ANTXR1: variants seen among roughly 807,000 people sequenced by gnomAD.
The protein encoded by ANTXR1 is ANTXR cell adhesion molecule 1.
ANTXR1 carries 19 observed loss-of-function variants against 78.1 expected under a neutral mutation model. The ratio of observed to expected loss-of-function variants is 0.24; its 90% CI spans 0.17 to 0.36. The LOEUF is 0.36. Ranked by LOEUF, ANTXR1 falls within the 10% of genes least tolerant of loss-of-function variation. The probability of loss-of-function intolerance (pLI) is 1.00; values close to 1 mark genes in which losing one functional copy is unlikely to be tolerated. For missense variants in ANTXR1, 518 were observed against 718.6 expected, an observed-to-expected ratio of 0.72 and a Z score of 3.19; for synonymous variants, 273 against 260.5, an observed-to-expected ratio of 1.05 and a Z score of -0.46.
At chr2:69,095,023 A>G (rs1414533773) in intron 9 of ANTXR1, among the ~76,000 whole-genome samples, 1 of 152,216 alleles carries the variant, frequency 6.6e-6, no homozygotes, top group Non-Finnish European at 1.5e-5. Context: ...TCCAGTGTCC[A>G]GGTCAGGAGA....
chr2:69,106,921 G>T (rs941034934), intron 10 of ANTXR1, among the ~76,000 whole-genome samples: 2 of 152,190 alleles, frequency 1.3e-5, no homozygotes, highest in Non-Finnish European at 2.9e-5. Context: ...TGTTTAAAAT[G>T]TGTGAAGACA....
chr2:69,240,182 C>T (rs2104531085), intron 17 of ANTXR1, among the ~76,000 whole-genome samples: 1 of 152,328 alleles, frequency 6.6e-6, no homozygotes, highest in South Asian at 2.1e-4. Flanking sequence ...CATCTTGCTG[C>T]ACCTCGGAGC....
chr2:69,106,029 G>A (rs1479674559), intron 10 of ANTXR1, among the ~76,000 whole-genome samples: 7 of 152,226 alleles, frequency 4.6e-5, no homozygotes, highest in Admixed American at 3.9e-4. Flanking sequence ...TTAAAAGTTA[G>A]AGATATAGAG....
chr2:69,088,890 A>T (rs1266963769), intron 8 of ANTXR1, among the ~76,000 whole-genome samples: 1 of 152,138 alleles, frequency 6.6e-6, no homozygotes, highest in African/African-American at 2.4e-5. Context: ...AGGTGCCCAG[A>T]GCAGGTGTGT....
intron 12 of ANTXR1, among the ~76,000 whole-genome samples, chr2:69,147,109 C>T (rs908657402): frequency 1.3e-5 from 2 of 152,200 alleles, no homozygotes; most frequent in Non-Finnish European, 2.9e-5. Flanking sequence ...CAGTGCAGAG[C>T]GGAGCCAGGC....
Position 69,122,699 on chromosome 2 carries a change from C to T in ANTXR1, c.803-318C>T, listed in dbSNP as rs529746188. ...CATATTGGTGTGCTGCACCCATTAACTCGTCATTTACATTAGGTATATCTC... is the reference window on the plus strand; with the variant it reads ...CATATTGGTGTGCTGCACCCATTAATTCGTCATTTACATTAGGTATATCTC... On this transcript the variant is annotated intron_variant, in intron 10 of 17. Coordinates refer to ENST00000303714, the MANE Select transcript of ANTXR1 (RefSeq NM_032208.3). Among the ~76,000 whole-genome samples, 40 of 152,192 alleles carry T rather than the reference C, an allele frequency of 2.6e-4. No homozygotes were observed. In the South Asian group the frequency reaches 7.3e-3, roughly 28 times the overall value.
intron 12 of ANTXR1, among the ~76,000 whole-genome samples, chr2:69,135,991 A>G (rs1292303440): frequency 6.6e-6 from 1 of 152,324 alleles, no homozygotes; most frequent in East Asian, 1.9e-4. Context: ...ATCATACTTC[A>G]TCAAATCTAA....
chr2:69,191,300 T>C (rs1192086359), intron 16 of ANTXR1, among the ~76,000 whole-genome samples: 1 of 152,216 alleles, frequency 6.6e-6, no homozygotes, highest in Non-Finnish European at 1.5e-5. Flanking sequence ...CAACAGTTTA[T>C]AAAGATTAAA....
At position 69,101,061 on chromosome 2, in the gene ANTXR1, C is replaced by T. The variant is rs559763005; in HGVS notation, c.704-1781C>T. Among the ~76,000 whole-genome samples the T allele has an allele frequency of 1.1e-4, 16 of 152,296 alleles. No individual in the cohort carries two copies. In the East Asian group the frequency reaches 3.1e-3, roughly 29 times the overall value. On this transcript the variant is annotated intron_variant, in intron 9 of 17. Transcript: ENST00000303714. ...TCTGAGCAAGTCATTCAAAATGTCA[C>T]AGTCTCCATTTCCTTATTGTGAAGG...
At chr2:69,155,664 G>A (rs1384266839) in intron 13 of ANTXR1, among the ~76,000 whole-genome samples, 4 of 152,176 alleles carry the variant, frequency 2.6e-5, no homozygotes, top group Admixed American at 6.5e-5. Context: ...ATGTGTAGGG[G>A]GGAAAGTCAT....
At chr2:69,237,893 A>G (rs538225416) in intron 17 of ANTXR1, among the ~76,000 whole-genome samples, 2 of 152,320 alleles carry the variant, frequency 1.3e-5, no homozygotes, top group African/African-American at 4.8e-5. Context: ...TGAATTTTAC[A>G]TGGAAAGCCA....
chr2:69,130,293 A>G (rs763467069), intron 12 of ANTXR1, among the ~76,000 whole-genome samples: 1 of 144,352 alleles, frequency 6.9e-6, no homozygotes, highest in Non-Finnish European at 1.5e-5. Context: ...TCAACATTAA[A>G]TAAATGAAGA....
intron 9 of ANTXR1, among the ~76,000 whole-genome samples, chr2:69,091,302 G>T (rs1460297504): frequency 6.6e-6 from 1 of 151,750 alleles, no homozygotes; most frequent in Non-Finnish European, 1.5e-5. Flanking sequence ...TTAGCCAGGT[G>T]TGATGGCGCT....
intron 3 of ANTXR1, among the ~76,000 whole-genome samples, chr2:69,063,407 T>C (rs575642250): frequency 6.6e-6 from 1 of 152,052 alleles, no homozygotes; most frequent in East Asian, 1.9e-4. Context: ...AAAAATCAAC[T>C]TAAAATTCTA....
chr2:69,171,033 A>C (rs1241455166), intron 14 of ANTXR1, among the ~76,000 whole-genome samples: 1 of 152,218 alleles, frequency 6.6e-6, no homozygotes, highest in Non-Finnish European at 1.5e-5. Flanking sequence ...ACATCCACCC[A>C]TTCAGAAGCC....
At chr2:69,156,620 A>G (rs1673532040) in intron 13 of ANTXR1, among the ~76,000 whole-genome samples, 1 of 152,212 alleles carries the variant, frequency 6.6e-6, no homozygotes, top group South Asian at 2.1e-4. Flanking sequence ...GGTTCCAGTC[A>G]TGGCTGATGG....
intron 14 of ANTXR1, among the ~76,000 whole-genome samples, chr2:69,178,431 C>T (rs1573957570): frequency 6.6e-6 from 1 of 152,184 alleles, no homozygotes; most frequent in South Asian, 2.1e-4. Flanking sequence ...TGGAGATTGC[C>T]CAAGCCCTAG....
intron 13 of ANTXR1, among the ~76,000 whole-genome samples, chr2:69,157,003 C>T (rs1002333784): frequency 2.6e-5 from 4 of 152,182 alleles, no homozygotes; most frequent in Non-Finnish European, 2.9e-5. Flanking sequence ...CACTCCTTTG[C>T]GGAGCATCCA....
intron 17 of ANTXR1, among the ~76,000 whole-genome samples, chr2:69,208,097 A>C (rs184437185): frequency 9.7e-4 from 147 of 152,314 alleles, no homozygotes; most frequent in African/African-American, 3.2e-3. Context: ...AAAAAGGAAG[A>C]GGGGTTCTCA....
Sources: gnomAD v4.1 joint callset for allele counts (sites outside exome capture counted in the v4.1 genomes callset) on GRCh38, gnomAD v4.1.1 for gene constraint, MANE v1.5 for transcripts, NCBI Gene and HGNC (gene_info 2026-07-23, HGNC 2026-07-21) for gene names.